The following RALGAPA1 variants were observed in gnomAD, a reference collection of about 807,000 sequenced individuals.
RALGAPA1 encodes Ral GTPase activating protein catalytic subunit alpha 1.
Under a neutral mutation model 269.6 loss-of-function variants are expected in RALGAPA1, and 52 were observed. The ratio of observed to expected loss-of-function variants is 0.19; its 90% CI spans 0.15 to 0.24. RALGAPA1 has a LOEUF of 0.24. RALGAPA1 is among the 10% of genes least tolerant of loss of function. RALGAPA1 has a pLI of 1.00. For missense variants in RALGAPA1, 1,917 were observed against 3,013.9 expected (o/e 0.64, Z 8.52); for synonymous variants, 817 against 1,008.3 (o/e 0.81, Z 3.60).
At chr14:35,587,688 G>A (rs1379412598) in intron 37 of RALGAPA1, among the ~76,000 whole-genome samples, 2 of 151,288 alleles carry the variant, frequency 1.3e-5, no homozygotes, top group Non-Finnish European at 2.9e-5. Context: ...TGGACACAGG[G>A]TGGGGAACAT....
At position 35,570,764 on chromosome 14, in the gene RALGAPA1, A is replaced by G. The variant is rs1271551548; in HGVS notation, c.7369-20T>C. 3 of 1,570,052 alleles carry G rather than the reference A, an allele frequency of 1.9e-6. No homozygotes were observed. The highest frequency in any genetic ancestry group is 2.3e-5 in the East Asian group (1 of 43,248). On this transcript the variant is annotated intron_variant, in intron 38 of 41. Coordinates refer to ENST00000680220, the MANE Select transcript of RALGAPA1 (RefSeq NM_001346249.2). Reference sequence around the variant, plus strand: ...GGGAACCTGATTGAGAAATCAGAACATAATTTTACATTCAAATTACAGACA... The same window carrying G: ...GGGAACCTGATTGAGAAATCAGAACGTAATTTTACATTCAAATTACAGACA...
intron 12 of RALGAPA1, among the ~76,000 whole-genome samples, chr14:35,734,715 T>C (rs1457527851): frequency 6.6e-6 from 1 of 151,886 alleles, no homozygotes; most frequent in East Asian, 1.9e-4. Flanking sequence ...TTAATTAAAC[T>C]AAAGAGCTTT....
At chr14:35,648,970 TA>T in intron 31 of RALGAPA1, among the ~76,000 whole-genome samples, 1 of 152,368 alleles carries the variant, frequency 6.6e-6, no homozygotes, top group South Asian at 2.1e-4. Context: ...TGTTATTCTT[TA>T]ATGTGCTATA....
intron 16 of RALGAPA1, chr14:35,706,996 CTTAT>C (rs1266885198): frequency 1.3e-5 from 2 of 152,292 alleles, no homozygotes; most frequent in Admixed American, 6.5e-5. Flanking sequence ...GACCTCTCAA[CTTAT>C]TTATTCTTTG....
At chr14:35,703,987 A>G (rs960597630) in intron 16 of RALGAPA1, among the ~76,000 whole-genome samples, 1 of 152,194 alleles carries the variant, frequency 6.6e-6, no homozygotes, top group African/African-American at 2.4e-5. Context: ...GACCCTTAAC[A>G]GCATATAAAT....
At chr14:35,679,277 C>G (rs2065211340) in intron 21 of RALGAPA1, among the ~76,000 whole-genome samples, 1 of 152,090 alleles carries the variant, frequency 6.6e-6, no homozygotes, top group East Asian at 1.9e-4. Context: ...TAAACCTCTG[C>G]CCTCATTACC....
At chr14:35,763,270 G>A (rs1009077205) in intron 4 of RALGAPA1, among the ~76,000 whole-genome samples, 4 of 151,424 alleles carry the variant, frequency 2.6e-5, no homozygotes, top group South Asian at 2.1e-4. Context: ...AACCTGCAGA[G>A]GACCACCACT....
chr14:35,657,893 T>G (rs2063304377), intron 28 of RALGAPA1, among the ~76,000 whole-genome samples: 1 of 152,046 alleles, frequency 6.6e-6, no homozygotes, highest in South Asian at 2.1e-4. Context: ...TGGATGAAAA[T>G]TATACCTGTC....
intron 1 of RALGAPA1, among the ~76,000 whole-genome samples, chr14:35,804,016 G>A (rs1305975421): frequency 3.3e-5 from 5 of 152,098 alleles, no homozygotes; most frequent in African/African-American, 1.2e-4. Flanking sequence ...TTATACAATG[G>A]TCTTGGGAGG....
intron 33 of RALGAPA1, among the ~76,000 whole-genome samples, chr14:35,630,330 C>G (rs184818972): frequency 5.1e-4 from 78 of 152,086 alleles, no homozygotes; most frequent in African/African-American, 1.7e-3. Context: ...CTGTGTCACC[C>G]AGGCTGGAGT....
At chr14:35,735,807 C>T (rs1320211860) in intron 12 of RALGAPA1, among the ~76,000 whole-genome samples, 1 of 152,046 alleles carries the variant, frequency 6.6e-6, no homozygotes, top group African/African-American at 2.4e-5. Flanking sequence ...AATTTTTTAA[C>T]AGAATCAAGA....
chr14:35,597,165 C>G (rs1254665075), intron 36 of RALGAPA1, among the ~76,000 whole-genome samples: 1 of 152,142 alleles, frequency 6.6e-6, no homozygotes, highest in Non-Finnish European at 1.5e-5. Context: ...AGTACAGCTA[C>G]GGACAAATAG....
rs909342731 is a variant in RALGAPA1 at position 35,688,630 on chromosome 14, C to G, written c.3781G>C (p.Glu1261Gln). ...SRSTLRSSSH[E>Q]AGLQQGSLGG... The stretch of plus-strand genomic sequence containing the variant: ...AGGGAGCCCTGCTGTAGTCCTGCCT[C>G]ATGACTTGATGACCTAAGAGTACTA... The change falls in exon 18 of 42, where the codon GAG becomes CAG. Residue 1261 changes from glutamate (E) to glutamine (Q), a missense_variant. By Grantham distance (29) the Glu-to-Gln change is conservative. Transcript: ENST00000680220. The G allele has an allele frequency of 1.2e-4, 189 of 1,533,768 alleles. No homozygotes were observed. The highest frequency in any genetic ancestry group is 1.6e-4 in the Non-Finnish European group (178 of 1,146,308).
intron 18 of RALGAPA1, among the ~76,000 whole-genome samples, chr14:35,687,535 C>T (rs2066062365): frequency 6.6e-6 from 1 of 152,086 alleles, no homozygotes; most frequent in Non-Finnish European, 1.5e-5. Flanking sequence ...ATTAATGGCT[C>T]AATGCAAGAT....
chr14:35,616,620 C>T (rs1313889268), intron 35 of RALGAPA1, among the ~76,000 whole-genome samples: 1 of 152,118 alleles, frequency 6.6e-6, no homozygotes, highest in African/African-American at 2.4e-5. Context: ...AGGGGAAACT[C>T]TACAGGGGGA....
At chr14:35,552,315 G>A (rs905568645) in intron 39 of RALGAPA1, among the ~76,000 whole-genome samples, 4 of 152,120 alleles carry the variant, frequency 2.6e-5, no homozygotes, top group African/African-American at 9.7e-5. Flanking sequence ...GTTAGAATCT[G>A]CAATTGTAAT....
At chr14:35,551,856 AAATT>A (rs1408809993) in intron 39 of RALGAPA1, among the ~76,000 whole-genome samples, 3 of 152,166 alleles carry the variant, frequency 2.0e-5, no homozygotes, top group Admixed American at 6.5e-5. Flanking sequence ...CATTTACAAT[AAATT>A]AATTAAATTT....
chr14:35,671,778 G>A (rs964494108), intron 25 of RALGAPA1, among the ~76,000 whole-genome samples: 3 of 152,160 alleles, frequency 2.0e-5, no homozygotes, highest in Admixed American at 1.3e-4. Context: ...ATTAAGGAAG[G>A]CTCTTTGCTT....
intron 6 of RALGAPA1, among the ~76,000 whole-genome samples, chr14:35,758,192 C>T (rs1432924813): frequency 1.4e-5 from 2 of 140,296 alleles, no homozygotes; most frequent in Non-Finnish European, 3.0e-5. Flanking sequence ...TGCAGTGAGC[C>T]GAGATCGCAC....
Sources: gnomAD v4.1 joint callset for allele counts (sites outside exome capture counted in the v4.1 genomes callset) on GRCh38, gnomAD v4.1.1 for gene constraint, MANE v1.5 for transcripts, NCBI Gene and HGNC (gene_info 2026-07-23, HGNC 2026-07-21) for gene names.